Variants in FANCC observed in about 807,000 individuals in gnomAD.
FANCC encodes the protein FA complementation group C.
In FANCC, 55 loss-of-function variants were observed where a neutral mutation model predicts 71.3. The observed-to-expected ratio is 0.77, with a 90% CI of 0.62 to 0.97. The LOEUF is 0.97. Ranked by LOEUF, FANCC falls within the 50% of genes least tolerant of loss-of-function variation. The probability of loss-of-function intolerance (pLI) is 0.00; values close to 1 mark genes in which losing one functional copy is unlikely to be tolerated. For missense variants in FANCC, 678 were observed against 670.9 expected (o/e 1.01, Z -0.12); for synonymous variants, 275 against 244.9 (o/e 1.12, Z -1.15).
intron 1 of FANCC, among the ~76,000 whole-genome samples, chr9:95,279,840 C>T (rs866155433): frequency 4.0e-5 from 6 of 149,076 alleles, no homozygotes; most frequent in Middle Eastern, 3.7e-3. Flanking sequence ...CCCAGCTACT[C>T]GGGTGGGTGA....
At chr9:95,248,175 A>C (rs1831111988) in intron 2 of FANCC, among the ~76,000 whole-genome samples, 1 of 152,176 alleles carries the variant, frequency 6.6e-6, no homozygotes, top group Non-Finnish European at 1.5e-5. Context: ...GTACAACCGG[A>C]CCTTTTTCCA....
intron 14 of FANCC, among the ~76,000 whole-genome samples, chr9:95,104,197 G>A (rs950778644): frequency 1.3e-5 from 2 of 152,192 alleles, no homozygotes; most frequent in African/African-American, 2.4e-5. Context: ...TCCCTGCCAC[G>A]CGGCCACCGC....
At chr9:95,239,284 C>T (rs902938065) in intron 4 of FANCC, among the ~76,000 whole-genome samples, 17 of 151,974 alleles carry the variant, frequency 1.1e-4, no homozygotes, top group African/African-American at 7.3e-5. Flanking sequence ...GGGAATTCCC[C>T]GAAGGCACAG....
chr9:95,308,324 T>A (rs979258727), intron 1 of FANCC, among the ~76,000 whole-genome samples: 3 of 151,984 alleles, frequency 2.0e-5, no homozygotes, highest in African/African-American at 7.2e-5. Flanking sequence ...AGATCACCGC[T>A]TTTTGTTTGT....
Position 95,203,396 on chromosome 9 carries a change from A to AAAAAC in FANCC, c.346-31250_346-31249insGTTTT, listed in dbSNP as rs1827923045. On this transcript the variant is annotated intron_variant, in intron 4 of 14. Coordinates refer to ENST00000289081, the MANE Select transcript of FANCC (RefSeq NM_000136.3). ...CCTGTCTCAAAAAAAAAAAAAAAAA[A>AAAAAC]CACCTGAAAATGTGAAGGAGACAGT... Among the ~76,000 whole-genome samples, 4 of 151,242 alleles carry AAAAAC rather than the reference A, an allele frequency of 2.6e-5. No individual in the cohort carries two copies. In the East Asian group the frequency reaches 5.8e-4, roughly 22 times the overall value.
At chr9:95,177,602 C>T (rs1004241796) in intron 4 of FANCC, among the ~76,000 whole-genome samples, 6 of 152,116 alleles carry the variant, frequency 3.9e-5, no homozygotes, top group Non-Finnish European at 8.8e-5. Flanking sequence ...CATTGTACAG[C>T]GGTACAAAAA....
intron 1 of FANCC, among the ~76,000 whole-genome samples, chr9:95,251,427 T>C (rs945200675): frequency 6.6e-6 from 1 of 152,174 alleles, no homozygotes; most frequent in Non-Finnish European, 1.5e-5. Context: ...GCGACTCTCC[T>C]GCCTCAGCCT....
At chr9:95,264,576 T>C (rs1392329498) in intron 1 of FANCC, among the ~76,000 whole-genome samples, 1 of 152,110 alleles carries the variant, frequency 6.6e-6, no homozygotes, top group African/African-American at 2.4e-5. Flanking sequence ...CCATATAAGC[T>C]TCTCAAAGTG....
chr9:95,118,000 T>C (rs1243428988), intron 10 of FANCC, among the ~76,000 whole-genome samples: 2 of 151,838 alleles, frequency 1.3e-5, no homozygotes, highest in Admixed American at 1.3e-4. Flanking sequence ...GGGATTACAG[T>C]GAGCCACCAT....
At chr9:95,313,129 G>C (rs1835509903) in intron 1 of FANCC, among the ~76,000 whole-genome samples, 1 of 152,220 alleles carries the variant, frequency 6.6e-6, no homozygotes, top group Non-Finnish European at 1.5e-5. Context: ...CATATGCCAA[G>C]GACCTAGCGC....
At chr9:95,130,301 A>T (rs667946) in intron 8 of FANCC, among the ~76,000 whole-genome samples, 29,542 of 141,120 alleles carry the variant, frequency 0.21, 2,890 homozygotes, top group East Asian at 0.33. Context: ...TGTGTGTGTG[A>T]GAGAGAGAGA....
At chr9:95,177,043 A>G (rs917952391) in intron 4 of FANCC, among the ~76,000 whole-genome samples, 3 of 152,250 alleles carry the variant, frequency 2.0e-5, no homozygotes, top group African/African-American at 7.2e-5. Flanking sequence ...ATAGTTCCCT[A>G]GATATTACAG....
intron 3 of FANCC, among the ~76,000 whole-genome samples, chr9:95,241,030 G>C (rs1163503946): frequency 6.6e-6 from 1 of 152,102 alleles, no homozygotes; most frequent in Non-Finnish European, 1.5e-5. Flanking sequence ...CTTAACTCTT[G>C]TGTGGTCAAT....
At chr9:95,190,214 T>C (rs932453205) in intron 4 of FANCC, among the ~76,000 whole-genome samples, 23 of 152,078 alleles carry the variant, frequency 1.5e-4, no homozygotes, top group Admixed American at 1.4e-3. Context: ...GGAAGGAGTG[T>C]CTCTGCTCCT....
chr9:95,238,366 C>A (rs1165168525), intron 4 of FANCC, among the ~76,000 whole-genome samples: 1 of 152,122 alleles, frequency 6.6e-6, no homozygotes, highest in Non-Finnish European at 1.5e-5. Context: ...GCCATTATAC[C>A]TTCTGGGTAT....
In FANCC at chr9:95,170,637, C is replaced by CGTGTGTGTGTGTGTGTGTGTGTGT. The variant is rs3992109; in HGVS notation, c.521+418_521+441dup. On this transcript the variant is annotated intron_variant, in intron 6 of 14. Coordinates refer to ENST00000289081, the MANE Select transcript of FANCC (RefSeq NM_000136.3). ...ACATCAAATGTTGCCTTGTAAATAT[C>CGTGTGTGTGTGTGTGTGTGTGTGT]GTGTGTGTGTGTGTGTGTGTGTGTG... Among the ~76,000 whole-genome samples, 308 of 124,334 alleles carry CGTGTGTGTGTGTGTGTGTGTGTGT rather than the reference C, an allele frequency of 2.5e-3. 11 individuals carry two copies. The highest frequency in any genetic ancestry group is 4.0e-3 in the Non-Finnish European group (237 of 59,566). The allele number at this position is 124,334 out of a possible 152,430, so 81.6% of individuals were successfully genotyped here.
chr9:95,293,478 ATAAGTACTGGT>A, intron 1 of FANCC: 1 of 1,575,018 alleles, frequency 6.3e-7, no homozygotes, highest in South Asian at 1.2e-5. Context: ...TGTTGAGCCA[ATAAGTACTGGT>A]GTTCAAGTGA....
At chr9:95,168,171 T>C (rs1023519196) in intron 6 of FANCC, among the ~76,000 whole-genome samples, 1 of 152,220 alleles carries the variant, frequency 6.6e-6, no homozygotes, top group Non-Finnish European at 1.5e-5. Context: ...TGCTGAGCTC[T>C]CTTGTTCCAA....
chr9:95,221,556 G>T (rs1829270891), intron 4 of FANCC, among the ~76,000 whole-genome samples: 1 of 152,078 alleles, frequency 6.6e-6, no homozygotes, highest in Admixed American at 6.5e-5. Flanking sequence ...TAAAACATAT[G>T]CACTTTTGAG....
Sources: gnomAD v4.1 joint callset for allele counts (sites outside exome capture counted in the v4.1 genomes callset) on GRCh38, gnomAD v4.1.1 for gene constraint, MANE v1.5 for transcripts, NCBI Gene and HGNC (gene_info 2026-07-23, HGNC 2026-07-21) for gene names.